The following PHF14 variants were observed in gnomAD, a reference collection of about 807,000 sequenced individuals.
PHF14 encodes PHD finger protein 14.
In PHF14, 55 loss-of-function variants were observed where a neutral mutation model predicts 117.9. The ratio of observed to expected loss-of-function variants is 0.47; its 90% CI spans 0.38 to 0.58. The LOEUF (loss-of-function observed/expected upper bound fraction) is 0.58, where lower values mean the gene tolerates loss of function less well. Ranked by LOEUF, PHF14 falls within the 20% of genes least tolerant of loss-of-function variation. The pLI, the probability that PHF14 is intolerant of heterozygous loss-of-function variation, is 0.00. For synonymous variants in PHF14, 409 were observed against 368.6 expected (o/e 1.11, Z -1.26); for missense variants, 978 against 1,122.2 (o/e 0.87, Z 1.84).
chr7:11,103,869 A>G (rs1464746514), intron 16 of PHF14: 2 of 981,512 alleles, frequency 2.0e-6, no homozygotes, highest in South Asian at 4.7e-5. Flanking sequence ...GAAAGATCTC[A>G]TAACATTGGA....
chr7:11,077,058 A>C (rs1785885121), intron 16 of PHF14, among the ~76,000 whole-genome samples: 2 of 151,970 alleles, frequency 1.3e-5, no homozygotes, highest in Admixed American at 6.6e-5. Context: ...ATCTATATTT[A>C]TGAAAGTTGC....
At chr7:11,065,413 A>G (rs1246139417) in intron 16 of PHF14, among the ~76,000 whole-genome samples, 1 of 152,104 alleles carries the variant, frequency 6.6e-6, no homozygotes, top group Non-Finnish European at 1.5e-5. Context: ...GGCACATTTA[A>G]TGATCAGAAA....
At chr7:11,149,870 T>A (rs766398314) in intron 17 of PHF14, among the ~76,000 whole-genome samples, 19 of 152,112 alleles carry the variant, frequency 1.2e-4, no homozygotes, top group Non-Finnish European at 2.6e-4. Flanking sequence ...TTTTACAATT[T>A]TTATACTTCA....
At chr7:11,157,389 C>CAA (rs10693452) in intron 17 of PHF14, among the ~76,000 whole-genome samples, 3,861 of 146,734 alleles carry the variant, frequency 0.026, 100 homozygotes, top group African/African-American at 0.067. Flanking sequence ...AATGGGTTAC[C>CAA]AAAAAAAAAA....
intron 4 of PHF14, among the ~76,000 whole-genome samples, chr7:10,992,206 A>G (rs1052493664): frequency 6.6e-6 from 1 of 151,034 alleles, no homozygotes; most frequent in African/African-American, 2.4e-5. Flanking sequence ...GGTGCCTGCC[A>G]CCATGCCTGG....
chr7:11,062,101 A>G lies in PHF14; in HGVS notation c.2654+16A>G. ...ATCTTGTCAGGTAAGTTGGATGCTA[A>G]AACCTTGTCTTTAGGGGATGAAAGT... On this transcript the variant is annotated intron_variant, in intron 16 of 17. Coordinates refer to ENST00000634607, the MANE Select transcript of PHF14 (RefSeq NM_001007157.2). 6.3e-7 allele frequency: 1 copy of G among 1,593,960 alleles called. No homozygotes were observed. Among genetic ancestry groups the G allele is most frequent in the African/African-American group, 1.3e-5 (1 of 74,236 alleles).
At chr7:11,031,653 C>T (rs1238192045) in intron 7 of PHF14, among the ~76,000 whole-genome samples, 1 of 151,556 alleles carries the variant, frequency 6.6e-6, no homozygotes, top group African/African-American at 2.4e-5. Context: ...ACTAGAGAGG[C>T]CGAGGTGAGA....
At chr7:11,045,826 T>TG (rs1196684765) in intron 13 of PHF14, among the ~76,000 whole-genome samples, 1 of 152,228 alleles carries the variant, frequency 6.6e-6, no homozygotes, top group Non-Finnish European at 1.5e-5. Flanking sequence ...GGGATGATGA[T>TG]GGGCTCTTGA....
At chr7:11,028,160 A>G (rs750463816) in intron 6 of PHF14, among the ~76,000 whole-genome samples, 14 of 152,152 alleles carry the variant, frequency 9.2e-5, no homozygotes, top group Admixed American at 7.2e-4. Context: ...GAACATTTAC[A>G]TTAGCCTACA....
At chr7:11,133,870 A>G (rs550933033) in intron 17 of PHF14, among the ~76,000 whole-genome samples, 1 of 152,180 alleles carries the variant, frequency 6.6e-6, no homozygotes, top group African/African-American at 2.4e-5. Flanking sequence ...GTTTTAGTTT[A>G]TAGAAGAGTT....
At chr7:11,069,407 G>GGAC (rs986756590) in intron 16 of PHF14, among the ~76,000 whole-genome samples, 30 of 152,212 alleles carry the variant, frequency 2.0e-4, no homozygotes, top group Non-Finnish European at 4.0e-4. Flanking sequence ...TTAATAAGGA[G>GGAC]GACGATAAGG....
chr7:10,974,841 G>C lies in PHF14; in HGVS notation c.8G>C (p.Arg3Pro). The C allele has an allele frequency of 6.4e-7, 1 of 1,555,304 alleles. No individual in the cohort carries two copies. Among genetic ancestry groups the C allele is most frequent in the Non-Finnish European group, 8.8e-7 (1 of 1,139,212 alleles). Residue 3 changes from arginine to proline, a missense_variant, in exon 2 of 18, where the codon CGC becomes CCC. By Grantham distance (103) the Arg-to-Pro change is moderately radical. Transcript: ENST00000634607. ...AATTTTTTTCTCTTCACAGTGGATC[G>C]CAGCTCCAAGAGGAGGCAGGTGAAG... The part of the protein sequence containing the change: MD[R>P]SSKRRQVKPL...
At chr7:10,987,815 T>C (rs1204924144) in intron 3 of PHF14, among the ~76,000 whole-genome samples, 1 of 152,046 alleles carries the variant, frequency 6.6e-6, no homozygotes, top group Non-Finnish European at 1.5e-5. Context: ...AGGTTTTGTA[T>C]TGATCTAATC....
rs1480669180 is a variant in PHF14, at chr7:11,036,698, G to C, written c.1873+10G>C. Reference sequence around the variant, plus strand: ...GTGAATTATTATTTTGGTCAGTATAGACACTGGTACATGCACATTTTCACT... The same window carrying C: ...GTGAATTATTATTTTGGTCAGTATACACACTGGTACATGCACATTTTCACT... On this transcript the variant is annotated intron_variant, in intron 9 of 17. Transcript: ENST00000634607. 2 of 1,608,004 alleles carry C rather than the reference G, an allele frequency of 1.2e-6. No individual in the cohort carries two copies. Among genetic ancestry groups the C allele is most frequent in the Non-Finnish European group, 1.7e-6 (2 of 1,175,496 alleles).
intron 3 of PHF14, among the ~76,000 whole-genome samples, chr7:10,990,485 AAAATT>A (rs1353700749): frequency 7.9e-5 from 12 of 152,332 alleles, no homozygotes; most frequent in African/African-American, 2.4e-4. Context: ...AGAGAAGTGA[AAAATT>A]AAATAAGAGG....
chr7:11,075,550 T>G (rs1785806832), intron 16 of PHF14, among the ~76,000 whole-genome samples: 1 of 144,560 alleles, frequency 6.9e-6, no homozygotes, highest in South Asian at 2.2e-4. Context: ...CTCATTCCCA[T>G]GGGAAGGAAA....
intron 8 of PHF14, 26 bp downstream of exon 8, chr7:11,035,812 A>G (rs1562432331): frequency 1.3e-6 from 2 of 1,556,140 alleles, no homozygotes; most frequent in South Asian, 2.4e-5. Context: ...CAAAACCCGT[A>G]TGTTTTTGTT....
chr7:11,129,633 A>G (rs1419827185), intron 17 of PHF14, among the ~76,000 whole-genome samples: 2 of 149,082 alleles, frequency 1.3e-5, no homozygotes, highest in Admixed American at 1.4e-4. Context: ...CTGTTGATGG[A>G]CCTACCAATA....
At chr7:11,082,684 C>T (rs1450719658) in intron 16 of PHF14, among the ~76,000 whole-genome samples, 1 of 152,116 alleles carries the variant, frequency 6.6e-6, no homozygotes, top group Non-Finnish European at 1.5e-5. Context: ...TCAGTTTATC[C>T]TGACCAAATA....
Sources: allele counts gnomAD v4.1 joint callset (sites outside exome capture counted in the v4.1 genomes callset), GRCh38; gene constraint gnomAD v4.1.1; transcripts MANE v1.5; gene names NCBI Gene and HGNC (gene_info 2026-07-23, HGNC 2026-07-21).